WDR48: variants seen among roughly 807,000 people sequenced by gnomAD.
WDR48 encodes WD repeat domain 48, also known as WD repeat-containing protein 48.
Under a neutral mutation model 94.0 loss-of-function variants are expected in WDR48, and 22 were observed. The observed-to-expected ratio is 0.23, with a 90% CI of 0.17 to 0.33. WDR48 has a LOEUF of 0.33. Ranked by LOEUF, WDR48 falls within the 10% of genes least tolerant of loss-of-function variation. WDR48 has a pLI of 1.00. For synonymous variants in WDR48, 278 were observed against 280.5 expected, an observed-to-expected ratio of 0.99 and a Z score of 0.09; for missense variants, 541 against 813.8, an observed-to-expected ratio of 0.66 and a Z score of 4.08.
At chr3:39,085,410 G>A (rs1248213490) in intron 13 of WDR48, 105 bp from the exon 14 acceptor site, 2 of 917,544 alleles carry the variant, frequency 2.2e-6, no homozygotes, top group Non-Finnish European at 3.5e-6. Context: ...GGTTAAGAAT[G>A]TAACATCAGA....
chr3:39,059,040 A>C (rs939008035), intron 1 of WDR48, among the ~76,000 whole-genome samples: 2 of 145,498 alleles, frequency 1.4e-5, no homozygotes, highest in Admixed American at 7.2e-5. Flanking sequence ...GCACCACTGC[A>C]CTCCAGCCTG....
intron 2 of WDR48, among the ~76,000 whole-genome samples, chr3:39,065,308 A>T (rs1027055287): frequency 1.3e-5 from 2 of 152,152 alleles, no homozygotes; most frequent in African/African-American, 4.8e-5. Flanking sequence ...TCAGAGGGTG[A>T]ACCCAACAGT....
intron 16 of WDR48, 126 bp from the exon 17 acceptor site, chr3:39,091,499 A>G (rs2035070637): frequency 1.3e-5 from 10 of 745,748 alleles, no homozygotes; most frequent in Non-Finnish European, 2.1e-5. Flanking sequence ...CTTACTATAC[A>G]TTTCATAGAA....
rs1218209124 is a variant in WDR48 at position 39,052,174 on chromosome 3, A to T, written c.48+101A>T. 2.0e-6 allele frequency: 3 copies of T among 1,474,876 alleles called. No individual in the cohort carries two copies. The South Asian group carries it at 3.5e-5, about 17-fold the overall frequency. 91.4% of individuals were successfully genotyped at this position (1,474,876 alleles called of 1,614,324 possible). A position where few individuals can be genotyped will look rare whatever the true frequency, so the allele number is the denominator to read the frequency against. On this transcript the variant is annotated intron_variant, in intron 1 of 18. Transcript: ENST00000302313. ...CGCCACGACCAGCTGGGGTAGCGGC[A>T]TGGGGCGAACGGGGCGGGGCGCGGC... is the stretch of plus-strand genomic sequence containing the variant.
In WDR48 at chr3:39,084,146, G is replaced by A; in HGVS notation, c.1174-9G>A. ...AATATTGATCATTATACTTTCTTTT[G>A]ATGTATAGGCATGTAAAGTTGAAGA... On this transcript the variant is annotated splice_polypyrimidine_tract_variant and intron_variant, in intron 11 of 18. Transcript: ENST00000302313. The A allele has an allele frequency of 6.3e-7, 1 of 1,598,184 alleles. No homozygotes were observed. Among genetic ancestry groups the A allele is most frequent in the Non-Finnish European group, 8.6e-7 (1 of 1,168,780 alleles).
At position 39,077,143 on chromosome 3, in the gene WDR48, A is replaced by C; in HGVS notation, c.902A>C (p.Glu301Ala). 1 of 1,614,124 alleles carries C rather than the reference A, an allele frequency of 6.2e-7. No individual in the cohort carries two copies. The highest frequency in any genetic ancestry group is 8.5e-7 in the Non-Finnish European group (1 of 1,180,004). Residue 301 changes from glutamate to alanine, a missense_variant, in exon 9 of 19, where the codon GAG becomes GCG. This residue lies in a region of WDR48 where 238 missense variants were observed against 285.3 expected (regional missense o/e 0.83). Transcript: ENST00000302313. ...ATTTTTGTGCTTTGTTTTCAGATGG[A>C]GCTTGATAGATCAGCTGATCCTCCT... ...CEEKAPVLKMELDRSADPPPA... is the reference protein window; with the variant it reads ...CEEKAPVLKMALDRSADPPPA...
chr3:39,086,405 A>G (rs1355512533), intron 14 of WDR48: 1 of 152,162 alleles, frequency 6.6e-6, no homozygotes, highest in African/African-American at 2.4e-5. Flanking sequence ...CCTGCCAGGG[A>G]CTTTGTTCTG....
At chr3:39,064,624 T>C (rs1029506190) in intron 2 of WDR48, among the ~76,000 whole-genome samples, 1 of 152,218 alleles carries the variant, frequency 6.6e-6, no homozygotes, top group Non-Finnish European at 1.5e-5. Flanking sequence ...CCCATGGTTA[T>C]GTGGCTAGGA....
At position 39,069,729 on chromosome 3, in the gene WDR48, C is replaced by T; in HGVS notation, c.657C>T (p.Asn219=). The T allele has an allele frequency of 6.2e-7, 1 of 1,612,708 alleles. No homozygotes were observed. Among genetic ancestry groups the T allele is most frequent in the Non-Finnish European group, 8.5e-7 (1 of 1,179,242 alleles). ...HTDNVKALLL[N]RDGTQCLSGS... ...ATAATGTGAAGGCATTGCTATTAAACAGAGATGGCACGCAAGTATGCAGTT... is the reference window on the plus strand; with the variant it reads ...ATAATGTGAAGGCATTGCTATTAAATAGAGATGGCACGCAAGTATGCAGTT... The change falls in exon 7 of 19, where the codon AAC becomes AAT. Residue 219 remains asparagine, a synonymous_variant. Transcript: ENST00000302313.
intron 9 of WDR48, 175 bp from the exon 10 acceptor site, chr3:39,077,962 G>T: frequency 1.9e-6 from 1 of 528,282 alleles, no homozygotes; most frequent in Non-Finnish European, 3.4e-6. Context: ...CTTAAAATTT[G>T]TTTCTTTCTA....
At chr3:39,084,069 A>C in intron 11 of WDR48, 86 bp from the exon 12 acceptor site, 1 of 997,058 alleles carries the variant, frequency 1.0e-6, no homozygotes, top group Non-Finnish European at 1.5e-6. Flanking sequence ...ACACATGTGA[A>C]AATATGTAAA....
Position 39,074,938 on chromosome 3 carries a change from A to G in WDR48, c.885A>G (p.Ala295=), listed in dbSNP as rs762664164. Reference sequence around the variant, plus strand: ...GGGTGCTAATTTGTGAAGAAAAAGCACCAGTTCTCAAGGTATGTCATATGT... The same window carrying G: ...GGGTGCTAATTTGTGAAGAAAAAGCGCCAGTTCTCAAGGTATGTCATATGT... The part of the protein sequence containing the change: ...DIRVLICEEK[A]PVLKMELDRS... Residue 295 remains alanine (A), a synonymous_variant, in exon 8 of 19, where the codon GCA becomes GCG. Transcript: ENST00000302313. 2.8e-5 allele frequency: 46 copies of G among 1,614,060 alleles called. No homozygotes were observed. Among genetic ancestry groups the G allele is most frequent in the Admixed American group, 6.7e-5 (4 of 59,998 alleles).
chr3:39,084,103 C>G, intron 11 of WDR48, 52 bp from the exon 12 acceptor site: 1 of 1,390,086 alleles, frequency 7.2e-7, no homozygotes, highest in South Asian at 1.4e-5. Flanking sequence ...AAGTCAGAAT[C>G]AAGTGAATTC....
chr3:39,094,652 T>G lies in WDR48; in HGVS notation c.1943T>G (p.Leu648Trp). Residue 648 changes from leucine to tryptophan, a missense_variant, in exon 19 of 19, where the codon TTG becomes TGG. By Grantham distance (61) the Leu-to-Trp change is moderately conservative. This residue lies in a region of WDR48 where 109 missense variants were observed against 195.5 expected (regional missense o/e 0.56). Transcript: ENST00000302313. ...AATTTAATTTTGGCTATTCAGGTTT[T>G]GGATCCAAATATGGACCTTCGAACA... is the stretch of plus-strand genomic sequence containing the variant. Reference protein sequence around the residue: ...KIELLCQDQVLDPNMDLRTVK... With the variant: ...KIELLCQDQVWDPNMDLRTVK... 1 of 1,614,182 alleles carries G rather than the reference T, an allele frequency of 6.2e-7. No homozygotes were observed. The highest frequency in any genetic ancestry group is 1.1e-5 in the South Asian group (1 of 91,078).
At chr3:39,062,371 C>A (rs1359455152) in intron 1 of WDR48, among the ~76,000 whole-genome samples, 10 of 152,166 alleles carry the variant, frequency 6.6e-5, no homozygotes, top group Admixed American at 6.5e-4. Flanking sequence ...AGTTGATCCC[C>A]TGTTTTCACA....
At chr3:39,094,419 GGAATGGCT>G (rs1427211306) in intron 18 of WDR48, 2 of 1,523,878 alleles carry the variant, frequency 1.3e-6, no homozygotes, top group East Asian at 4.9e-5. Context: ...TATCCTCAGA[GGAATGGCT>G]GAAAGATGGC....
intron 7 of WDR48, 67 bp from the exon 8 acceptor site, chr3:39,074,659 C>G: frequency 6.6e-7 from 1 of 1,524,006 alleles, no homozygotes; most frequent in East Asian, 2.3e-5. Flanking sequence ...CGGGAGAAGT[C>G]AAGTGCAAAG....
chr3:39,088,613 G>A (rs2034933289), intron 15 of WDR48, among the ~76,000 whole-genome samples: 1 of 152,064 alleles, frequency 6.6e-6, no homozygotes, highest in South Asian at 2.1e-4. Context: ...CTTTTCTTAG[G>A]CTGATCCAGC....
chr3:39,065,226 T>A (rs1167962106), intron 2 of WDR48, among the ~76,000 whole-genome samples: 1 of 152,172 alleles, frequency 6.6e-6, no homozygotes, highest in Non-Finnish European at 1.5e-5. Context: ...GTGACACAGG[T>A]TGTCCTTTCT....
Sources: gnomAD v4.1 joint callset for allele counts (sites outside exome capture counted in the v4.1 genomes callset) on GRCh38, gnomAD v4.1.1 for gene constraint, gnomAD v4.1.1 regional missense constraint, MANE v1.5 for transcripts, NCBI Gene and HGNC (gene_info 2026-07-23, HGNC 2026-07-21) for gene names.